Variants in KCNIP4 observed in about 807,000 individuals in gnomAD.
KCNIP4 encodes potassium voltage-gated channel interacting protein 4.
Under a neutral mutation model 34.0 loss-of-function variants are expected in KCNIP4, and 12 were observed. That is an observed-to-expected ratio of 0.35 (90% CI 0.23 to 0.57). The LOEUF (loss-of-function observed/expected upper bound fraction) is 0.57, where lower values mean the gene tolerates loss of function less well. KCNIP4 is among the 20% of genes least tolerant of loss of function. The probability of loss-of-function intolerance (pLI) is 0.83; values close to 1 mark genes in which losing one functional copy is unlikely to be tolerated. For synonymous variants in KCNIP4, 124 were observed against 102.2 expected (o/e 1.21, Z -1.29); for missense variants, 238 against 311.7 (o/e 0.76, Z 1.78).
In KCNIP4 at chr4:21,281,909, C is replaced by A. The variant is rs147226794; in HGVS notation, c.62-399200G>T. On this transcript the variant is annotated intron_variant, in intron 1 of 8. Transcript: ENST00000382152. Reference sequence around the variant, plus strand: ...ATTTTCTTGGTGAAGAAAGAAAACACAAAATGCTATTGGAAAGTGGTTTTC... The same window carrying A: ...ATTTTCTTGGTGAAGAAAGAAAACAAAAAATGCTATTGGAAAGTGGTTTTC... Among the ~76,000 whole-genome samples, 346 of 152,252 alleles carry A rather than the reference C, an allele frequency of 2.3e-3. 2 individuals are homozygous for A. Among genetic ancestry groups the A allele is most frequent in the Middle Eastern group, 0.02 (6 of 294 alleles).
At chr4:21,371,475 C>T (rs1266624696) in intron 1 of KCNIP4, among the ~76,000 whole-genome samples, 1 of 146,974 alleles carries the variant, frequency 6.8e-6, no homozygotes, top group Non-Finnish European at 1.5e-5. Flanking sequence ...GGTGCACACT[C>T]TATCACATAC....
At chr4:20,964,116 C>T (rs1472136143) in intron 1 of KCNIP4, among the ~76,000 whole-genome samples, 1 of 152,118 alleles carries the variant, frequency 6.6e-6, no homozygotes, top group Non-Finnish European at 1.5e-5. Context: ...AAGTATTTTA[C>T]ATACTTATTT....
chr4:21,913,346 G>GT (rs1017526720), intron 1 of KCNIP4, among the ~76,000 whole-genome samples: 2,156 of 141,690 alleles, frequency 0.015, 40 homozygotes, highest in African/African-American at 0.051. Flanking sequence ...TTTGTATTTT[G>GT]TTTTTTTTTT....
At chr4:21,440,137 C>T (rs546605057) in intron 1 of KCNIP4, among the ~76,000 whole-genome samples, 1 of 152,324 alleles carries the variant, frequency 6.6e-6, no homozygotes, top group East Asian at 1.9e-4. Flanking sequence ...AAAATGGAAA[C>T]TTTCAAATTC....
chr4:21,193,567 T>C (rs958071367), intron 1 of KCNIP4, among the ~76,000 whole-genome samples: 8 of 134,618 alleles, frequency 5.9e-5, no homozygotes, highest in Non-Finnish European at 1.1e-4. Flanking sequence ...TATTGCAATT[T>C]TAAATTTTTT....
chr4:21,704,871 T>A (rs368433940), intron 1 of KCNIP4, among the ~76,000 whole-genome samples: 1 of 152,060 alleles, frequency 6.6e-6, no homozygotes, highest in Admixed American at 6.6e-5. Flanking sequence ...AGAGCATTTA[T>A]CCCAGAGAAA....
At chr4:20,977,537 T>C (rs1735607477) in intron 1 of KCNIP4, among the ~76,000 whole-genome samples, 1 of 152,072 alleles carries the variant, frequency 6.6e-6, no homozygotes, top group South Asian at 2.1e-4. Context: ...ATTATAGCTC[T>C]CCTCTTCCAG....
chr4:21,916,484 T>C (rs771624448), intron 1 of KCNIP4, among the ~76,000 whole-genome samples: 4 of 152,230 alleles, frequency 2.6e-5, no homozygotes, highest in Non-Finnish European at 5.9e-5. Context: ...GATTATTTCA[T>C]AGAAATTCTC....
chr4:20,764,105 C>G (rs1393748962), intron 3 of KCNIP4, among the ~76,000 whole-genome samples: 5 of 151,986 alleles, frequency 3.3e-5, no homozygotes, highest in African/African-American at 1.2e-4. Context: ...TTCTACTAAC[C>G]CTTATGGTTC....
rs185331644 is a variant in KCNIP4 at position 21,328,931 on chromosome 4, T to C, written c.62-446222A>G. Among the ~76,000 whole-genome samples, 3 of 152,354 alleles carry C rather than the reference T, an allele frequency of 2.0e-5. 1 individual carries two copies. Among genetic ancestry groups the C allele is most frequent in the African/African-American group, 7.2e-5 (3 of 41,584 alleles). ...GCCCCAGGCTACTTCAGTCACCTTG[T>C]GGTAAATGCTGCTGGGCCATGACTC... is the stretch of plus-strand genomic sequence containing the variant. On this transcript the variant is annotated intron_variant, in intron 1 of 8. Transcript: ENST00000382152.
chr4:21,712,490 T>C (rs1039556358), intron 1 of KCNIP4, among the ~76,000 whole-genome samples: 2 of 152,194 alleles, frequency 1.3e-5, no homozygotes, highest in Admixed American at 1.3e-4. Flanking sequence ...GGGCTGCTTA[T>C]CTCCTGGGAA....
intron 1 of KCNIP4, among the ~76,000 whole-genome samples, chr4:20,961,559 G>C (rs1321278308): frequency 2.0e-5 from 3 of 152,132 alleles, no homozygotes; most frequent in African/African-American, 7.2e-5. Context: ...AAAGGAAATT[G>C]ATATAGATAA....
intron 1 of KCNIP4, among the ~76,000 whole-genome samples, chr4:20,886,279 G>A (rs768845081): frequency 6.6e-5 from 10 of 152,128 alleles, no homozygotes; most frequent in African/African-American, 1.4e-4. Flanking sequence ...GCCCTGGCTC[G>A]CCCCTGCCTG....
At chr4:21,505,936 C>T (rs1325360123) in intron 1 of KCNIP4, among the ~76,000 whole-genome samples, 6 of 152,098 alleles carry the variant, frequency 3.9e-5, no homozygotes, top group African/African-American at 9.7e-5. Context: ...AACCCCATCT[C>T]TACTAAAAAT....
chr4:21,367,527 C>T (rs1719911693), intron 1 of KCNIP4, among the ~76,000 whole-genome samples: 2 of 130,940 alleles, frequency 1.5e-5, no homozygotes, highest in Admixed American at 1.4e-4. Flanking sequence ...AAAACCAAGG[C>T]TGGGTCAGGA....
At chr4:21,871,199 C>G (rs1673437329) in intron 1 of KCNIP4, among the ~76,000 whole-genome samples, 1 of 150,288 alleles carries the variant, frequency 6.7e-6, no homozygotes, top group South Asian at 2.1e-4. Context: ...CACCCATTAA[C>G]TGGTCATTTA....
At chr4:20,852,046 A>G (rs1296288870) in intron 2 of KCNIP4, among the ~76,000 whole-genome samples, 1 of 152,096 alleles carries the variant, frequency 6.6e-6, no homozygotes, top group African/African-American at 2.4e-5. Context: ...AAAAAAATAG[A>G]ACCTTAGACT....
intron 1 of KCNIP4, among the ~76,000 whole-genome samples, chr4:21,277,522 C>T (rs1474596079): frequency 6.6e-6 from 1 of 152,074 alleles, no homozygotes; most frequent in Admixed American, 6.5e-5. Context: ...ATAAACAACT[C>T]TCATAAATTC....
intron 1 of KCNIP4, among the ~76,000 whole-genome samples, chr4:21,575,565 A>C (rs1740689571): frequency 6.6e-6 from 1 of 151,574 alleles, no homozygotes; most frequent in South Asian, 2.1e-4. Flanking sequence ...TTCTTTAGCT[A>C]ACTTCTTAGT....
Sources: allele counts gnomAD v4.1 joint callset (sites outside exome capture counted in the v4.1 genomes callset), GRCh38; gene constraint gnomAD v4.1.1; transcripts MANE v1.5; gene names NCBI Gene and HGNC (gene_info 2026-07-23, HGNC 2026-07-21).